PTPRD: variants seen among roughly 807,000 people sequenced by gnomAD.
The protein encoded by PTPRD is receptor-type tyrosine-protein phosphatase delta.
A neutral mutation model predicts 214.5 loss-of-function variants in PTPRD; 34 were observed. The ratio of observed to expected loss-of-function variants is 0.16; its 90% CI spans 0.12 to 0.21. The LOEUF (loss-of-function observed/expected upper bound fraction) is 0.21, where lower values mean the gene tolerates loss of function less well. Ranked by LOEUF, PTPRD falls within the 10% of genes least tolerant of loss-of-function variation. The probability of loss-of-function intolerance (pLI) is 1.00; values close to 1 mark genes in which losing one functional copy is unlikely to be tolerated. For synonymous variants in PTPRD, 1,128 were observed against 845.7 expected, an observed-to-expected ratio of 1.33 and a Z score of -5.79; for missense variants, 2,545 against 2,398.7, an observed-to-expected ratio of 1.06 and a Z score of -1.27.
chr9:8,684,985 G>C (rs544622118), intron 12 of PTPRD, among the ~76,000 whole-genome samples: 1 of 152,244 alleles, frequency 6.6e-6, no homozygotes, highest in Non-Finnish European at 1.5e-5. Context: ...GTGAATTTCT[G>C]CACCTGTAAA....
At chr9:8,360,761 C>G (rs1182950223) in intron 39 of PTPRD, among the ~76,000 whole-genome samples, 1 of 152,228 alleles carries the variant, frequency 6.6e-6, no homozygotes, top group Admixed American at 6.5e-5. Flanking sequence ...TGAAACATTT[C>G]TTTTATGATA....
At chr9:9,479,703 C>T in intron 8 of PTPRD, among the ~76,000 whole-genome samples, 1 of 150,914 alleles carries the variant, frequency 6.6e-6, no homozygotes, top group South Asian at 2.1e-4. Flanking sequence ...GATTGAAAAC[C>T]TTAAGTAATT....
At chr9:8,472,664 A>T (rs1024097895) in intron 30 of PTPRD, among the ~76,000 whole-genome samples, 5 of 152,216 alleles carry the variant, frequency 3.3e-5, no homozygotes, top group Non-Finnish European at 5.9e-5. Flanking sequence ...AATAATTTTT[A>T]AAATAATGAT....
chr9:9,822,936 T>C (rs1471952051), intron 5 of PTPRD, among the ~76,000 whole-genome samples: 1 of 152,116 alleles, frequency 6.6e-6, no homozygotes, highest in Non-Finnish European at 1.5e-5. Flanking sequence ...AAAATAGTAC[T>C]ACCATTTATT....
intron 10 of PTPRD, among the ~76,000 whole-genome samples, chr9:9,032,084 G>A (rs1034887404): frequency 1.8e-4 from 27 of 151,616 alleles, no homozygotes; most frequent in African/African-American, 5.3e-4. Context: ...CCACACAGCC[G>A]AGTTTTATTT....
At chr9:10,521,381 A>G (rs1184402122) in intron 2 of PTPRD, among the ~76,000 whole-genome samples, 3 of 152,148 alleles carry the variant, frequency 2.0e-5, no homozygotes, top group African/African-American at 7.2e-5. Context: ...CTTCTTGTGG[A>G]TGAGCCGAGG....
chr9:10,107,358 A>G (rs1466666932), intron 3 of PTPRD, among the ~76,000 whole-genome samples: 3 of 152,026 alleles, frequency 2.0e-5, no homozygotes, highest in African/African-American at 7.2e-5. Context: ...AAATCAGGGT[A>G]TGGAATATCT....
chr9:8,492,497 T>A (rs917461095), intron 27 of PTPRD, among the ~76,000 whole-genome samples: 3 of 152,170 alleles, frequency 2.0e-5, no homozygotes, highest in Non-Finnish European at 4.4e-5. Context: ...GTTTTGTCAC[T>A]TGTTAATTAT....
intron 11 of PTPRD, among the ~76,000 whole-genome samples, chr9:8,790,479 G>A (rs1027698737): frequency 6.6e-6 from 1 of 151,932 alleles, no homozygotes; most frequent in Non-Finnish European, 1.5e-5. Flanking sequence ...GTGCAGTGGT[G>A]CGATCTTGGC....
chr9:8,351,439 A>T (rs1162752602), intron 39 of PTPRD, among the ~76,000 whole-genome samples: 1 of 151,916 alleles, frequency 6.6e-6, no homozygotes, highest in Non-Finnish European at 1.5e-5. Context: ...ATAATAATCT[A>T]ATAATGGAAT....
In PTPRD at chr9:8,376,737, C is replaced by T. The variant is rs375454917; in HGVS notation, c.4387-11G>A. 1.3e-5 allele frequency: 21 copies of T among 1,612,418 alleles called. No individual in the cohort carries two copies. The African/African-American group carries it at 2.5e-4, about 20-fold the overall frequency. ...CTGGTCACACTTCACCTACAAGAAA[C>T]AAGTGACACATTCAGGGCAAATGCT... is the stretch of plus-strand genomic sequence containing the variant. On this transcript the variant is annotated splice_polypyrimidine_tract_variant and intron_variant, in intron 37 of 45. Coordinates refer to ENST00000381196, the MANE Select transcript of PTPRD (RefSeq NM_002839.4).
At chr9:8,692,234 C>G (rs192238250) in intron 12 of PTPRD, among the ~76,000 whole-genome samples, 2 of 152,330 alleles carry the variant, frequency 1.3e-5, no homozygotes, top group Admixed American at 6.5e-5. Flanking sequence ...AAACAGTCTA[C>G]CATCTCAGTA....
At chr9:9,193,136 G>A (rs2099936261) in intron 9 of PTPRD, among the ~76,000 whole-genome samples, 1 of 152,042 alleles carries the variant, frequency 6.6e-6, no homozygotes, top group South Asian at 2.1e-4. Flanking sequence ...AAAAATGAGT[G>A]ACCAGCTTGC....
chr9:10,090,648 A>G (rs1567621515), intron 3 of PTPRD, among the ~76,000 whole-genome samples: 1 of 149,470 alleles, frequency 6.7e-6, no homozygotes. Context: ...CCACCAACTA[A>G]GAACCAGAAT....
chr9:8,384,998 C>G (rs2086491371), intron 37 of PTPRD, among the ~76,000 whole-genome samples: 1 of 152,154 alleles, frequency 6.6e-6, no homozygotes, highest in African/African-American at 2.4e-5. Context: ...ATTTGAAAAT[C>G]AAAGAACTCA....
intron 11 of PTPRD, among the ~76,000 whole-genome samples, chr9:9,004,044 T>C (rs1302289690): frequency 6.6e-6 from 1 of 152,078 alleles, no homozygotes; most frequent in African/African-American, 2.4e-5. Flanking sequence ...TTCTTGTGCT[T>C]ATGTTTCTCC....
chr9:9,794,597 G>A (rs182346844), intron 5 of PTPRD, among the ~76,000 whole-genome samples: 1 of 152,014 alleles, frequency 6.6e-6, no homozygotes, highest in Non-Finnish European at 1.5e-5. Context: ...GATGAGTCTT[G>A]ATGATAATCA....
intron 23 of PTPRD, among the ~76,000 whole-genome samples, chr9:8,503,577 C>A (rs1402975650): frequency 6.6e-6 from 1 of 152,184 alleles, no homozygotes; most frequent in East Asian, 1.9e-4. Context: ...GAACAATTAA[C>A]CCCCATTGTG....
chr9:8,427,121 A>G (rs1280047943), intron 35 of PTPRD, among the ~76,000 whole-genome samples: 2 of 152,174 alleles, frequency 1.3e-5, no homozygotes, highest in African/African-American at 4.8e-5. Context: ...ATGTTCTCAG[A>G]TGGCCGACTG....
Sources: gnomAD v4.1 joint callset for allele counts (sites outside exome capture counted in the v4.1 genomes callset) on GRCh38, gnomAD v4.1.1 for gene constraint, MANE v1.5 for transcripts, NCBI Gene and HGNC (gene_info 2026-07-23, HGNC 2026-07-21) for gene names.